SDHA: variants seen among roughly 807,000 people sequenced by gnomAD.
The protein encoded by SDHA is succinate dehydrogenase [ubiquinone] flavoprotein subunit, mitochondrial.
In SDHA, 48 loss-of-function variants were observed where a neutral mutation model predicts 78.4. The observed-to-expected ratio is 0.61, with a 90% CI of 0.49 to 0.78. SDHA has a LOEUF of 0.78. SDHA is among the 30% of genes least tolerant of loss of function. The pLI, the probability that SDHA is intolerant of heterozygous loss-of-function variation, is 0.00. For synonymous variants in SDHA, 326 were observed against 353.9 expected (o/e 0.92, Z 0.88); for missense variants, 680 against 892.7 (o/e 0.76, Z 3.04).
At chr5:229,910 T>A (rs184895970) in intron 6 of SDHA, among the ~76,000 whole-genome samples, 152 of 151,090 alleles carry the variant, frequency 1.0e-3, no homozygotes, top group African/African-American at 3.4e-3. Context: ...TGGCCAGAGT[T>A]AACATTATAC....
At chr5:242,141 C>T (rs896029735) in intron 11 of SDHA, among the ~76,000 whole-genome samples, 14 of 152,138 alleles carry the variant, frequency 9.2e-5, no homozygotes, top group Non-Finnish European at 8.8e-5. Context: ...AGGGATTTTT[C>T]TGCTGAGTCT....
intron 13 of SDHA, among the ~76,000 whole-genome samples, chr5:254,123 GTATT>G (rs984664258): frequency 6.8e-6 from 1 of 147,914 alleles, no homozygotes; most frequent in Non-Finnish European, 1.5e-5. Flanking sequence ...AAAAGACAAA[GTATT>G]TGATAAACTC....
downstream of SDHA, among the ~76,000 whole-genome samples, chr5:257,777 C>A (rs1737302741): frequency 1.0e-5 from 1 of 97,186 alleles, no homozygotes; most frequent in Non-Finnish European, 1.9e-5. Flanking sequence ...CCTGCCAGAG[C>A]ATTACCTTGT....
chr5:268,694 A>G, the SDHA span, among the ~76,000 whole-genome samples: 31 of 152,316 alleles, frequency 2.0e-4, no homozygotes, highest in Non-Finnish European at 3.1e-4. Flanking sequence ...AAAGCCACAT[A>G]TTTAAATATT....
intron 10 of SDHA, 80 bp downstream of exon 10, chr5:236,679 G>C (rs1241746277): frequency 1.2e-5 from 18 of 1,444,346 alleles, no homozygotes; most frequent in Admixed American, 1.8e-5. Context: ...TTTGAGAAAG[G>C]GTCAGCCCAG....
chr5:241,197 C>T (rs1272235419), intron 11 of SDHA, among the ~76,000 whole-genome samples: 1 of 152,148 alleles, frequency 6.6e-6, no homozygotes. Context: ...ACCTCCGTGA[C>T]CTGACCATTG....
chr5:227,860 C>CA, intron 5 of SDHA: 1 of 384,172 alleles, frequency 2.6e-6, no homozygotes, highest in Admixed American at 3.7e-5. Flanking sequence ...CTGCGGACCT[C>CA]ACTCTGGCAC....
intron 1 of SDHA, among the ~76,000 whole-genome samples, chr5:219,036 G>C (rs1341156236): frequency 6.6e-6 from 1 of 152,248 alleles, no homozygotes; most frequent in Non-Finnish European, 1.5e-5. Context: ...TGTCCACTTC[G>C]AGACCTTGTA....
rs986467937 is a variant in SDHA, at chr5:221,535, T to C, written c.64-1947T>C. 9.8e-5 allele frequency among the ~76,000 whole-genome samples: 15 copies of C among 152,366 alleles called. 1 individual carries two copies. Among genetic ancestry groups the C allele is most frequent in the South Asian group, 4.1e-4 (2 of 4,832 alleles). Reference sequence around the variant, plus strand: ...GCTAGATTTCGGATATGAATGTCTCTGCACTTCTTACTTTTCCCCTCCACC... The same window carrying C: ...GCTAGATTTCGGATATGAATGTCTCCGCACTTCTTACTTTTCCCCTCCACC... On this transcript the variant is annotated intron_variant, in intron 1 of 14. Transcript: ENST00000264932.
At chr5:220,678 C>T (rs981000049) in intron 1 of SDHA, among the ~76,000 whole-genome samples, 6 of 149,162 alleles carry the variant, frequency 4.0e-5, no homozygotes, top group South Asian at 2.1e-4. Flanking sequence ...AGAGCCAGGC[C>T]GGCCGACTTG....
chr5:267,390 G>A, the SDHA span, among the ~76,000 whole-genome samples: 1 of 152,220 alleles, frequency 6.6e-6, no homozygotes, highest in Non-Finnish European at 1.5e-5. Context: ...CAGTCATCCT[G>A]AGAAAATAAG....
the SDHA span, among the ~76,000 whole-genome samples, chr5:266,885 A>T: frequency 1.1e-5 from 1 of 95,014 alleles, no homozygotes; most frequent in South Asian, 2.5e-4. Context: ...CTGTGTCTAA[A>T]ATATTCAGTC....
intron 11 of SDHA, among the ~76,000 whole-genome samples, chr5:242,733 C>T (rs1049800637): frequency 2.6e-5 from 4 of 152,180 alleles, no homozygotes; most frequent in African/African-American, 9.7e-5. Flanking sequence ...AGCTGGAGGA[C>T]ACCTGAGTAC....
chr5:263,857 T>C, the SDHA span, among the ~76,000 whole-genome samples: 1 of 151,512 alleles, frequency 6.6e-6, no homozygotes, highest in East Asian at 1.9e-4. Flanking sequence ...CTAGACTGCC[T>C]CAAAAAAAAC....
chr5:250,531 A>G (rs7706416), intron 11 of SDHA: 77,007 of 252,234 alleles, frequency 0.31, 15,188 homozygotes, highest in African/African-American at 0.63. Flanking sequence ...GAAGACGTGC[A>G]GCTCCAACAC....
At chr5:236,054 T>A in intron 9 of SDHA, 1 of 323,666 alleles carries the variant, frequency 3.1e-6, no homozygotes. Flanking sequence ...AGATGCAGTC[T>A]CACTCTGTTG....
At chr5:260,079 T>A (rs247073), downstream of SDHA, among the ~76,000 whole-genome samples, 3 of 8,128 alleles carry the variant, frequency 3.7e-4, no homozygotes, top group African/African-American at 1.2e-3. Context: ...CCGCCTCCCG[T>A]CAGAGCATTA....
intron 11 of SDHA, among the ~76,000 whole-genome samples, chr5:248,173 A>G (rs1042612217): frequency 2.0e-5 from 3 of 152,226 alleles, no homozygotes; most frequent in Non-Finnish European, 4.4e-5. Flanking sequence ...ATGTTTCTCC[A>G]GGACGGAACC....
intron 11 of SDHA, among the ~76,000 whole-genome samples, chr5:243,834 G>A (rs1338987066): frequency 6.6e-6 from 1 of 152,148 alleles, no homozygotes; most frequent in Non-Finnish European, 1.5e-5. Flanking sequence ...TGCATAAAGC[G>A]ACTTTGTTGG....
Sources: gnomAD v4.1 joint callset for allele counts (sites outside exome capture counted in the v4.1 genomes callset) on GRCh38, gnomAD v4.1.1 for gene constraint, MANE v1.5 for transcripts, NCBI Gene and HGNC (gene_info 2026-07-23, HGNC 2026-07-21) for gene names.